The following PRDM2 variants were observed in gnomAD, a reference collection of about 807,000 sequenced individuals.
PRDM2 encodes PR/SET domain 2, also known as PR domain zinc finger protein 2.
Under a neutral mutation model 130.0 loss-of-function variants are expected in PRDM2, and 30 were observed. The ratio of observed to expected loss-of-function variants is 0.23; its 90% CI spans 0.17 to 0.31. The LOEUF is 0.31. Ranked by LOEUF, PRDM2 falls within the 10% of genes least tolerant of loss-of-function variation. The pLI is 1.00. For missense variants in PRDM2, 2,011 were observed against 2,108.4 expected (o/e 0.95, Z 0.90); for synonymous variants, 871 against 782.4 (o/e 1.11, Z -1.89).
At chr1:13,736,154 C>T (rs1360425438) in intron 4 of PRDM2, among the ~76,000 whole-genome samples, 1 of 149,548 alleles carries the variant, frequency 6.7e-6, no homozygotes, top group Non-Finnish European at 1.5e-5. Context: ...TGCTCTGTCA[C>T]CCAGGCTGAA....
intron 1 of PRDM2, chr1:13,705,790 T>G (rs1248710877): frequency 6.6e-6 from 1 of 152,206 alleles, no homozygotes; most frequent in Non-Finnish European, 1.5e-5. Context: ...GAGACCAGCC[T>G]GGCCAACATG....
intron 6 of PRDM2, chr1:13,772,284 C>A (rs1003359416): frequency 6.6e-6 from 1 of 152,230 alleles, no homozygotes; most frequent in African/African-American, 2.4e-5. Flanking sequence ...CTTCTGACTT[C>A]TTCAGTATTA....
Position 13,711,818 on chromosome 1 carries a change from G to A in PRDM2, c.-65-3723G>A, listed in dbSNP as rs185928446. On this transcript the variant is annotated intron_variant, in intron 1 of 9. Transcript: ENST00000311066. ...GGTTTTTAGCAATTAGGATTTGGAA[G>A]TAATAGGGAGGAGGCTCTCCCCACA... 3.9e-5 allele frequency among the ~76,000 whole-genome samples: 6 copies of A among 152,266 alleles called. No homozygotes were observed. The East Asian group carries it at 1.2e-3, about 29-fold the overall frequency.
intron 4 of PRDM2, among the ~76,000 whole-genome samples, chr1:13,737,766 G>C (rs1288512349): frequency 6.6e-6 from 1 of 151,914 alleles, no homozygotes; most frequent in African/African-American, 2.4e-5. Context: ...TTGGCAGCTT[G>C]GTCTGGTGTA....
chr1:13,779,180 A>C lies in PRDM2; in HGVS notation c.1385A>C (p.Lys462Thr), dbSNP rs768045637. Residue 462 changes from lysine to threonine, a missense_variant, in exon 8 of 10, where the codon AAG becomes ACG. Coordinates refer to ENST00000311066, the MANE Select transcript of PRDM2 (RefSeq NM_001393986.1). The surrounding 1 kb of genome is among the most constrained non-coding windows in gnomAD (Gnocchi z 4.9). ...GPDCLIMNSE[K>T]ASQDTINSSV... ...GACTGTCTGATCATGAATTCAGAGAAGGCTTCCCAAGACACAATAAATTCT... is the reference window on the plus strand; with the variant it reads ...GACTGTCTGATCATGAATTCAGAGACGGCTTCCCAAGACACAATAAATTCT... 3 of 1,614,230 alleles carry C rather than the reference A, an allele frequency of 1.9e-6. No individual in the cohort carries two copies. The highest frequency in any genetic ancestry group is 3.3e-5 in the Admixed American group (2 of 60,034).
intron 7 of PRDM2, among the ~76,000 whole-genome samples, chr1:13,778,147 C>T (rs1231355936): frequency 1.3e-5 from 2 of 152,212 alleles, no homozygotes; most frequent in Non-Finnish European, 2.9e-5. Flanking sequence ...TCCACACGGA[C>T]ATCCTTGTCT....
intron 1 of PRDM2, among the ~76,000 whole-genome samples, chr1:13,702,951 A>G (rs1642111626): frequency 6.6e-6 from 1 of 152,214 alleles, no homozygotes; most frequent in East Asian, 1.9e-4. Flanking sequence ...GATGAGGGAC[A>G]TCACCTGACT....
chr1:13,749,289 C>T (rs1178772218), intron 5 of PRDM2, 72 bp from the exon 6 acceptor site: 26 of 1,281,360 alleles, frequency 2.0e-5, no homozygotes, highest in South Asian at 6.2e-5. Context: ...GCCCGCGTCC[C>T]GGTGCGCGCC....
In PRDM2 at chr1:13,786,169, C is replaced by T. The variant is rs182841328; in HGVS notation, c.5036+3338C>T. Among the ~76,000 whole-genome samples, 360 of 152,060 alleles carry T rather than the reference C, an allele frequency of 2.4e-3. 1 individual carries two copies. The highest frequency in any genetic ancestry group is 4.0e-3 in the Non-Finnish European group (270 of 67,980). On this transcript the variant is annotated intron_variant, in intron 8 of 9. Transcript: ENST00000311066. ...GGTTCTTTAATGCTTCTTTTAGAGC[C>T]ACATTTTTCTTTTCAAACCGAGTTC...
chr1:13,722,417 G>C (rs1325548948), intron 2 of PRDM2, among the ~76,000 whole-genome samples: 1 of 152,184 alleles, frequency 6.6e-6, no homozygotes, highest in African/African-American at 2.4e-5. Context: ...GGAGGGGCCA[G>C]AGGGTGTGCC....
chr1:13,745,703 G>A (rs922463562), intron 5 of PRDM2, among the ~76,000 whole-genome samples: 22 of 152,150 alleles, frequency 1.4e-4, no homozygotes, highest in Admixed American at 1.2e-3. Flanking sequence ...ATTTACAGGC[G>A]TGAGCCACCG....
chr1:13,750,042 C>A (rs1643770530), intron 6 of PRDM2, among the ~76,000 whole-genome samples: 1 of 152,122 alleles, frequency 6.6e-6, no homozygotes, highest in Admixed American at 6.5e-5. Flanking sequence ...ACTGCGGGTG[C>A]GGTGGGCTTC....
At chr1:13,729,541 A>G (rs751115501) in intron 2 of PRDM2, among the ~76,000 whole-genome samples, 16 of 152,232 alleles carry the variant, frequency 1.1e-4, no homozygotes, top group Non-Finnish European at 2.1e-4. Context: ...ACATTTCCAA[A>G]AATCCAGCTT....
chr1:13,716,922 A>C lies in PRDM2; in HGVS notation c.9+1308A>C, dbSNP rs528959916. Among the ~76,000 whole-genome samples the C allele has an allele frequency of 2.0e-5, 3 of 150,816 alleles. No individual in the cohort carries two copies. In the South Asian group the frequency reaches 6.4e-4, roughly 32 times the overall value. ...TTGAAAACATTTTGTATCCCTCATCAACTGAAACTTTAGACACCTTTTTTT... is the reference window on the plus strand; with the variant it reads ...TTGAAAACATTTTGTATCCCTCATCCACTGAAACTTTAGACACCTTTTTTT... On this transcript the variant is annotated intron_variant, in intron 2 of 9. Coordinates refer to ENST00000311066, the MANE Select transcript of PRDM2 (RefSeq NM_001393986.1).
At position 13,728,117 on chromosome 1, in the gene PRDM2, C is replaced by G. The variant is rs147999428; in HGVS notation, c.10-2883C>G. ...ATACTTCCTGATAGATGACCCAGCTCTTTCATTTATTTCTATCCCTCCTTT... is the reference window on the plus strand; with the variant it reads ...ATACTTCCTGATAGATGACCCAGCTGTTTCATTTATTTCTATCCCTCCTTT... On this transcript the variant is annotated intron_variant, in intron 2 of 9. Coordinates refer to ENST00000311066, the MANE Select transcript of PRDM2 (RefSeq NM_001393986.1). 4.8e-3 allele frequency among the ~76,000 whole-genome samples: 724 copies of G among 152,296 alleles called. 8 individuals carry two copies. The highest frequency in any genetic ancestry group is 0.016 in the African/African-American group (682 of 41,550).
Position 13,732,891 on chromosome 1 carries a change from T to C in PRDM2, c.231+9T>C, listed in dbSNP as rs765329853. ...ATGTATACATGTGGGAGGTAAGAAG[T>C]AATTCTGATTCTTTGTTTTTCAGAG... On this transcript the variant is annotated intron_variant, in intron 4 of 9. Transcript: ENST00000311066. 9 of 1,469,480 alleles carry C rather than the reference T, an allele frequency of 6.1e-6. No individual in the cohort carries two copies. The South Asian group carries it at 9.9e-5, about 16-fold the overall frequency. The allele number at this position is 1,469,480 out of a possible 1,614,324, so 91.0% of individuals were successfully genotyped here. A position where few individuals can be genotyped will look rare whatever the true frequency, so the allele number is the denominator to read the frequency against.
At chr1:13,775,146 A>C (rs748352497) in intron 7 of PRDM2, among the ~76,000 whole-genome samples, 7 of 152,214 alleles carry the variant, frequency 4.6e-5, no homozygotes, top group Non-Finnish European at 7.3e-5. Context: ...CTTTATGTTC[A>C]AAACTCCAGA....
intron 8 of PRDM2, among the ~76,000 whole-genome samples, chr1:13,812,914 C>T (rs1393956796): frequency 6.6e-6 from 1 of 152,102 alleles, no homozygotes; most frequent in Non-Finnish European, 1.5e-5. Flanking sequence ...CTCCATTTTA[C>T]AGAGGGGGAA....
chr1:13,786,679 G>A, intron 8 of PRDM2: 3 of 1,506,520 alleles, frequency 2.0e-6, no homozygotes, highest in African/African-American at 1.4e-5. Flanking sequence ...CTGATTGCCG[G>A]CAGGCTTAGA....
Sources: allele counts gnomAD v4.1 joint callset (sites outside exome capture counted in the v4.1 genomes callset), GRCh38; gene constraint gnomAD v4.1.1; non-coding constraint Gnocchi (gnomAD v3.1); transcripts MANE v1.5; gene names NCBI Gene and HGNC (gene_info 2026-07-23, HGNC 2026-07-21).